ANO5: variants seen among roughly 807,000 people sequenced by gnomAD.
The protein encoded by ANO5 is anoctamin 5, also known as anoctamin-5.
In ANO5, 109 loss-of-function variants were observed where a neutral mutation model predicts 121.0. The observed-to-expected ratio is 0.90, with a 90% confidence interval of 0.77 to 1.06. ANO5 has a LOEUF of 1.06. Among genes scored for constraint, ANO5 ranks in the 50% least tolerant of loss-of-function variants. The pLI, the probability that ANO5 is intolerant of heterozygous loss-of-function variation, is 0.00. For synonymous variants in ANO5, 406 were observed against 359.9 expected (o/e 1.13, Z -1.45); for missense variants, 1,064 against 1,078.5 (o/e 0.99, Z 0.19).
Position 22,270,454 on chromosome 11 carries a change from C to G in ANO5, c.2029+12C>G, listed in dbSNP as rs202041355. On this transcript the variant is annotated intron_variant, in intron 18 of 21. Coordinates refer to ENST00000324559, the MANE Select transcript of ANO5 (RefSeq NM_213599.3). The stretch of plus-strand genomic sequence containing the variant: ...GTACTTAGAAACAGGTAATTTTTAA[C>G]CACTGTTTTGAAACATAGAGTTGGC... The G allele has an allele frequency of 2.5e-6, 4 of 1,613,764 alleles. No individual in the cohort carries two copies. The Admixed American group carries it at 6.7e-5, about 27-fold the overall frequency.
At position 22,259,531 on chromosome 11, in the gene ANO5, G is replaced by A. The variant is rs750702622; in HGVS notation, c.1420G>A (p.Val474Ile). 5.2e-5 allele frequency: 84 copies of A among 1,613,840 alleles called. No homozygotes were observed. The highest frequency in any genetic ancestry group is 1.7e-4 in the African/African-American group (13 of 74,880). ...ATVTLWMSLV[V>I]TSMVAVIVYR... is the part of the protein sequence containing the mutation. ...TTTCCTTTCCCAGATGTCTCTTGTC[G>A]TCACCAGTATGGTAGCTGTAATTGT... The change falls in exon 15 of 22, where the codon GTC (valine) becomes ATC (isoleucine). Residue 474 changes from valine to isoleucine, a missense_variant. Transcript: ENST00000324559.
At chr11:22,245,581 G>A (rs1853588496) in intron 9 of ANO5, among the ~76,000 whole-genome samples, 1 of 152,022 alleles carries the variant, frequency 6.6e-6, no homozygotes, top group South Asian at 2.1e-4. Flanking sequence ...TCAATTTCAT[G>A]TTATTTGGGG....
At chr11:22,209,563 A>G (rs564261347) in intron 2 of ANO5, among the ~76,000 whole-genome samples, 20 of 152,040 alleles carry the variant, frequency 1.3e-4, no homozygotes, top group Admixed American at 5.9e-4. Flanking sequence ...GAACACAGGT[A>G]ATCTGATTCT....
At position 22,269,452 on chromosome 11, in the gene ANO5, AGAAG is replaced by A. The variant is rs1185688131; in HGVS notation, c.1899-849_1899-846del. The stretch of plus-strand genomic sequence containing the variant: ...AGGGAAGGGAAGAGAAGGGAAAGGA[AGAAG>A]GAAGGAAGGAGAAAAAAGAAAAGAA... On this transcript the variant is annotated intron_variant, in intron 17 of 21. Transcript: ENST00000324559. Among the ~76,000 whole-genome samples the A allele has an allele frequency of 4.0e-5, 6 of 148,150 alleles. No homozygotes were observed. The East Asian group carries it at 5.9e-4, about 14-fold the overall frequency.
In ANO5 at chr11:22,250,975, T is replaced by C; in HGVS notation, c.1144T>C (p.Ser382Pro). 1.2e-6 allele frequency: 2 copies of C among 1,612,510 alleles called. No homozygotes were observed. Among genetic ancestry groups the C allele is most frequent in the Non-Finnish European group, 1.7e-6 (2 of 1,179,436 alleles). ...SKFSHLFDNE[S>P]TVFFAIFMGI... ...GTTCTCCCATTTGTTTGATAATGAG[T>C]CAACAGTGTTCTTTGCAATATTCAT... Residue 382 changes from serine (S) to proline (P), a missense_variant, in exon 12 of 22, where the codon TCA (serine) becomes CCA (proline). By Grantham distance (74) the Ser-to-Pro change is moderately conservative. Coordinates refer to ENST00000324559, the MANE Select transcript of ANO5 (RefSeq NM_213599.3).
In ANO5 at chr11:22,269,142, AGAAAG is replaced by A. The variant is rs549041719; in HGVS notation, c.1899-1158_1899-1154del. Among the ~76,000 whole-genome samples the A allele has an allele frequency of 1.3e-3, 197 of 148,608 alleles. 2 individuals carry two copies. Among genetic ancestry groups the A allele is most frequent in the African/African-American group, 4.0e-3 (160 of 40,096 alleles). Reference sequence around the variant, plus strand: ...TAAAGAAAGGAAAGGAAAGGAAGGGAGAAAGGAAAGGAAAGGGAAGGGATGGGAAG... The same window carrying A: ...TAAAGAAAGGAAAGGAAAGGAAGGGAGAAAGGAAAGGGAAGGGATGGGAAG... On this transcript the variant is annotated intron_variant, in intron 17 of 21. Transcript: ENST00000324559.
chr11:22,264,566 A>G (rs1854302012), intron 17 of ANO5, among the ~76,000 whole-genome samples: 2 of 152,162 alleles, frequency 1.3e-5, no homozygotes, highest in African/African-American at 4.8e-5. Flanking sequence ...GTAATATTTA[A>G]TGCTACAAAG....
intron 1 of ANO5, among the ~76,000 whole-genome samples, chr11:22,200,146 T>G (rs1182225048): frequency 6.6e-6 from 1 of 152,150 alleles, no homozygotes; most frequent in Admixed American, 6.5e-5. Flanking sequence ...AGGAATGCCT[T>G]GGGAATCTGT....
chr11:22,192,854 G>A, upstream of ANO5: 1 of 480,036 alleles, frequency 2.1e-6, no homozygotes, highest in Non-Finnish European at 2.7e-6. Flanking sequence ...TCCCGAGGAG[G>A]GACGGGAGGC....
intron 9 of ANO5, among the ~76,000 whole-genome samples, chr11:22,242,406 A>G (rs1853462259): frequency 6.6e-6 from 1 of 152,086 alleles, no homozygotes; most frequent in Non-Finnish European, 1.5e-5. Context: ...TAATGTTAGA[A>G]TAGCTTTTTC....
At chr11:22,211,499 A>G (rs976105268) in intron 3 of ANO5, among the ~76,000 whole-genome samples, 185 bp downstream of exon 3, 12 of 151,962 alleles carry the variant, frequency 7.9e-5, no homozygotes, top group African/African-American at 2.7e-4. Flanking sequence ...CACATCAGAC[A>G]TATCAGTGAG....
intron 9 of ANO5, among the ~76,000 whole-genome samples, chr11:22,243,378 TTTG>T (rs1853499483): frequency 6.6e-6 from 1 of 152,120 alleles, no homozygotes; most frequent in African/African-American, 2.4e-5. Context: ...ACATTGTCTT[TTTG>T]TTGTTGTGTC....
rs144048656 is a variant in ANO5 at position 22,274,589 on chromosome 11, G to A, written c.2256G>A (p.Thr752=). 1.0e-3 allele frequency: 1,610 copies of A among 1,597,938 alleles called. 19 individuals are homozygous for A. The South Asian group carries it at 0.011, about 11-fold the overall frequency. Reference sequence around the variant, plus strand: ...TTCAGGCCTTTATTGTTGCATTTACGTCAGACATCATTCCCCGTCTAGTTT... The same window carrying A: ...TTCAGGCCTTTATTGTTGCATTTACATCAGACATCATTCCCCGTCTAGTTT... The part of the protein sequence containing the change: ...VATNAFIVAF[T]SDIIPRLVYY... The change falls in exon 20 of 22, where the codon ACG becomes ACA. Residue 752 remains threonine (T), a synonymous_variant. Transcript: ENST00000324559.
In ANO5 at chr11:22,279,950, A is replaced by G. The variant is rs774589940; in HGVS notation, c.*185A>G. 4 of 591,236 alleles carry G rather than the reference A, an allele frequency of 6.8e-6. No individual in the cohort carries two copies. The highest frequency in any genetic ancestry group is 3.8e-5 in the African/African-American group (2 of 52,406). 36.6% of individuals were successfully genotyped at this position (591,236 alleles called of 1,614,324 possible). A position where few individuals can be genotyped will look rare whatever the true frequency, so the allele number is the denominator to read the frequency against. On this transcript the variant is annotated 3_prime_UTR_variant, in exon 22 of 22. Transcript: ENST00000324559. ...AACTTTGTGATGTTGGAAATGTACT[A>G]CTTCTCTGCTTCATTGACTGGGCCC... is the stretch of plus-strand genomic sequence containing the variant.
intron 7 of ANO5, among the ~76,000 whole-genome samples, chr11:22,229,178 C>A (rs1293418751): frequency 6.6e-6 from 1 of 151,974 alleles, no homozygotes; most frequent in East Asian, 1.9e-4. Flanking sequence ...TAGGTACTCT[C>A]CAACACTTGT....
At chr11:22,277,369 C>T (rs1854901302) in intron 21 of ANO5, among the ~76,000 whole-genome samples, 1 of 151,440 alleles carries the variant, frequency 6.6e-6, no homozygotes, top group African/African-American at 2.4e-5. Context: ...TGTGACTATT[C>T]ATTTACTTTG....
intron 3 of ANO5, among the ~76,000 whole-genome samples, chr11:22,217,380 C>A (rs892088835): frequency 1.3e-5 from 2 of 151,466 alleles, no homozygotes; most frequent in Non-Finnish European, 2.9e-5. Context: ...GATAACTGAG[C>A]ATTTGAATAA....
At chr11:22,252,985 T>C (rs1010889988) in intron 12 of ANO5, among the ~76,000 whole-genome samples, 11 of 152,150 alleles carry the variant, frequency 7.2e-5, no homozygotes, top group Non-Finnish European at 1.3e-4. Context: ...CATCACTAGA[T>C]TACTTGCTCC....
intron 7 of ANO5, among the ~76,000 whole-genome samples, chr11:22,228,544 A>G (rs901697359): frequency 6.6e-6 from 1 of 151,914 alleles, no homozygotes; most frequent in Non-Finnish European, 1.5e-5. Context: ...CTTTATTGTT[A>G]ATGTTAGTCA....
Sources: allele counts gnomAD v4.1 joint callset (sites outside exome capture counted in the v4.1 genomes callset), GRCh38; gene constraint gnomAD v4.1.1; transcripts MANE v1.5; gene names NCBI Gene and HGNC (gene_info 2026-07-23, HGNC 2026-07-21).